GPR158: variants seen among roughly 807,000 people sequenced by gnomAD.
The protein encoded by GPR158 is G protein-coupled receptor 158.
GPR158 carries 30 observed loss-of-function variants against 78.2 expected under a neutral mutation model. The observed-to-expected ratio is 0.38, with a 90% CI of 0.29 to 0.52. The LOEUF (loss-of-function observed/expected upper bound fraction) is 0.52. Ranked by LOEUF, GPR158 falls within the 20% of genes least tolerant of loss-of-function variation. The probability of loss-of-function intolerance (pLI) is 0.83; values close to 1 mark genes in which losing one functional copy is unlikely to be tolerated. For synonymous variants in GPR158, 581 were observed against 591.1 expected (o/e 0.98, Z 0.25); for missense variants, 1,463 against 1,523.5 (o/e 0.96, Z 0.66).
chr10:25,300,380 T>C (rs1854575271), intron 2 of GPR158, among the ~76,000 whole-genome samples: 1 of 152,168 alleles, frequency 6.6e-6, no homozygotes, highest in African/African-American at 2.4e-5. Flanking sequence ...TCTTTCACTT[T>C]CAAGAACACT....
intron 6 of GPR158, among the ~76,000 whole-genome samples, chr10:25,568,799 T>A (rs1209603406): frequency 6.6e-6 from 1 of 152,194 alleles, no homozygotes; most frequent in Non-Finnish European, 1.5e-5. Context: ...TTTTGGAAGT[T>A]TCTTGCAGTC....
At chr10:25,505,813 G>T (rs1000506633) in intron 5 of GPR158, among the ~76,000 whole-genome samples, 1 of 151,768 alleles carries the variant, frequency 6.6e-6, no homozygotes, top group Non-Finnish European at 1.5e-5. Flanking sequence ...TTTTTCAACT[G>T]GGTAGTTCCT....
At chr10:25,487,219 T>C (rs1835746595) in intron 5 of GPR158, among the ~76,000 whole-genome samples, 1 of 152,064 alleles carries the variant, frequency 6.6e-6, no homozygotes, top group African/African-American at 2.4e-5. Context: ...CTCTGAGACA[T>C]TCTAATATCC....
intron 2 of GPR158, among the ~76,000 whole-genome samples, chr10:25,381,090 G>C (rs1182705944): frequency 1.3e-5 from 2 of 152,158 alleles, no homozygotes; most frequent in South Asian, 2.1e-4. Context: ...ATGTCAGCTC[G>C]GGGCTGAAAG....
intron 3 of GPR158, among the ~76,000 whole-genome samples, chr10:25,402,175 G>A (rs1446075181): frequency 1.3e-5 from 2 of 152,054 alleles, no homozygotes; most frequent in Non-Finnish European, 2.9e-5. Flanking sequence ...CCTGCCAAAA[G>A]TTAATAATCT....
intron 2 of GPR158, among the ~76,000 whole-genome samples, chr10:25,339,273 C>T (rs1855269816): frequency 6.6e-6 from 1 of 152,134 alleles, no homozygotes; most frequent in Admixed American, 6.5e-5. Context: ...AGGCATCAGC[C>T]ACCAGGCCTA....
At chr10:25,256,576 G>A (rs1442089305) in intron 2 of GPR158, among the ~76,000 whole-genome samples, 9 of 147,354 alleles carry the variant, frequency 6.1e-5, no homozygotes, top group Non-Finnish European at 1.2e-4. Flanking sequence ...GGAGGCTGAG[G>A]CAGGAGGCTG....
intron 2 of GPR158, among the ~76,000 whole-genome samples, chr10:25,356,329 G>T (rs1335478334): frequency 6.6e-6 from 1 of 152,038 alleles, no homozygotes; most frequent in Admixed American, 6.6e-5. Context: ...TTGTTGGGGG[G>T]CATTGGGGAG....
chr10:25,420,536 C>A (rs1834735604), intron 4 of GPR158, among the ~76,000 whole-genome samples: 1 of 152,066 alleles, frequency 6.6e-6, no homozygotes, highest in African/African-American at 2.4e-5. Context: ...GAAATGATAG[C>A]CCAATCTGAA....
chr10:25,299,612 A>G (rs967964661), intron 2 of GPR158, among the ~76,000 whole-genome samples: 15 of 152,080 alleles, frequency 9.9e-5, no homozygotes, highest in Admixed American at 6.6e-4. Context: ...TTGTGTATAT[A>G]CCACATTTTC....
chr10:25,419,062 C>T (rs1834709188), intron 4 of GPR158, among the ~76,000 whole-genome samples: 1 of 151,850 alleles, frequency 6.6e-6, no homozygotes, highest in Non-Finnish European at 1.5e-5. Flanking sequence ...TTAGGTATGT[C>T]ATATTTTTAT....
chr10:25,372,453 C>T (rs1286220024), intron 2 of GPR158, among the ~76,000 whole-genome samples: 1 of 143,916 alleles, frequency 6.9e-6, no homozygotes, highest in East Asian at 2.0e-4. Context: ...GACTTGGAAC[C>T]AACCCAAATG....
intron 2 of GPR158, among the ~76,000 whole-genome samples, chr10:25,258,450 T>C (rs1055705557): frequency 1.3e-5 from 2 of 152,212 alleles, no homozygotes; most frequent in Non-Finnish European, 2.9e-5. Context: ...ACTTATTCAA[T>C]TTTCACAAAC....
chr10:25,267,265 G>A (rs183254720), intron 2 of GPR158, among the ~76,000 whole-genome samples: 43 of 152,232 alleles, frequency 2.8e-4, no homozygotes, highest in Admixed American at 1.3e-3. Context: ...GGCTGGGGAG[G>A]CCTCAGGAAA....
intron 5 of GPR158, among the ~76,000 whole-genome samples, chr10:25,514,115 A>G (rs1235751736): frequency 6.6e-6 from 1 of 152,080 alleles, no homozygotes; most frequent in Non-Finnish European, 1.5e-5. Context: ...GGAGTATTCA[A>G]GTCTCCCACT....
intron 5 of GPR158, among the ~76,000 whole-genome samples, chr10:25,525,509 A>C (rs962437492): frequency 6.6e-6 from 1 of 152,204 alleles, no homozygotes; most frequent in Non-Finnish European, 1.5e-5. Context: ...GGTACTCTAC[A>C]TTGTATGGAT....
intron 2 of GPR158, among the ~76,000 whole-genome samples, chr10:25,334,439 C>G (rs185091726): frequency 3.3e-5 from 5 of 152,130 alleles, no homozygotes; most frequent in Admixed American, 3.3e-4. Flanking sequence ...GTTTAATCTC[C>G]TGTCATTGCG....
chr10:25,467,048 T>C (rs1190088267), intron 5 of GPR158, among the ~76,000 whole-genome samples: 2 of 152,040 alleles, frequency 1.3e-5, no homozygotes, highest in African/African-American at 4.8e-5. Context: ...GTGGTTGGGG[T>C]GCAGCGTGGT....
At chr10:25,544,796 T>A (rs930327104) in intron 5 of GPR158, among the ~76,000 whole-genome samples, 2 of 152,154 alleles carry the variant, frequency 1.3e-5, no homozygotes, top group Non-Finnish European at 2.9e-5. Context: ...GCCATGGTGG[T>A]TTGCTGCACC....
Sources: gnomAD v4.1 joint callset for allele counts (sites outside exome capture counted in the v4.1 genomes callset) on GRCh38, gnomAD v4.1.1 for gene constraint, MANE v1.5 for transcripts, NCBI Gene and HGNC (gene_info 2026-07-23, HGNC 2026-07-21) for gene names.